Variants in COL21A1 observed in about 807,000 individuals in gnomAD.
The protein encoded by COL21A1 is collagen type XXI alpha 1 chain.
In COL21A1, 149 loss-of-function variants were observed where a neutral mutation model predicts 137.9. The ratio of observed to expected loss-of-function variants is 1.08; its 90% CI spans 0.95 to 1.24. The LOEUF is 1.24. Ranked by LOEUF, COL21A1 falls within the 50% of genes most tolerant of loss-of-function variation. COL21A1 has a pLI of 0.00. For missense variants in COL21A1, 1,167 were observed against 1,158.4 expected, an observed-to-expected ratio of 1.01 and a Z score of -0.11; for synonymous variants, 456 against 391.5, an observed-to-expected ratio of 1.16 and a Z score of -1.95.
chr6:56,177,985 T>C (rs1777624184), intron 3 of COL21A1, among the ~76,000 whole-genome samples: 2 of 152,174 alleles, frequency 1.3e-5, no homozygotes, highest in Non-Finnish European at 2.9e-5. Context: ...ATTGTGTTTA[T>C]AGATGATACA....
At chr6:56,353,208 T>C (rs1765753152) in intron 1 of COL21A1, among the ~76,000 whole-genome samples, 1 of 152,194 alleles carries the variant, frequency 6.6e-6, no homozygotes, top group South Asian at 2.1e-4. Flanking sequence ...CAGTGCTATA[T>C]AGAAAGTGAT....
chr6:56,082,233 G>C (rs1229566664), intron 17 of COL21A1, among the ~76,000 whole-genome samples: 1 of 151,856 alleles, frequency 6.6e-6, no homozygotes, highest in African/African-American at 2.4e-5. Flanking sequence ...TGGTGGGAAA[G>C]TCATGTAGCC....
rs189191410 is a variant in COL21A1, at chr6:56,120,933, T to C, written c.1758+3129A>G. Among the ~76,000 whole-genome samples, 103 of 152,272 alleles carry C rather than the reference T, an allele frequency of 6.8e-4. 1 individual carries two copies. The highest frequency in any genetic ancestry group is 1.1e-3 in the Non-Finnish European group (77 of 68,016). ...TGCACTTCTGTGTTTCTGGCAGCAC[T>C]TACAATGGCTAAGATTTGGAAGTCA... On this transcript the variant is annotated intron_variant, in intron 16 of 29. Transcript: ENST00000244728.
intron 9 of COL21A1, among the ~76,000 whole-genome samples, 191 bp from the exon 10 acceptor site, chr6:56,157,140 A>G (rs1358110464): frequency 1.3e-5 from 2 of 151,962 alleles, no homozygotes; most frequent in Non-Finnish European, 2.9e-5. Context: ...TGAACTTTCA[A>G]TGATTTATTT....
intron 9 of COL21A1, among the ~76,000 whole-genome samples, chr6:56,158,283 T>TC (rs1775937410): frequency 7.1e-6 from 1 of 140,892 alleles, no homozygotes; most frequent in Non-Finnish European, 1.5e-5. Context: ...TTTTTTTTTT[T>TC]TTTTTCTGAG....
chr6:56,284,522 G>A (rs918158366), intron 1 of COL21A1, among the ~76,000 whole-genome samples: 15 of 152,030 alleles, frequency 9.9e-5, no homozygotes, highest in Admixed American at 4.6e-4. Flanking sequence ...TACTGACTAT[G>A]GCTTTTCATC....
rs190361245 is a variant in COL21A1, at chr6:56,093,338, A to C, written c.1812+8134T>G. 8.5e-5 allele frequency among the ~76,000 whole-genome samples: 13 copies of C among 152,238 alleles called. No individual in the cohort carries two copies. The East Asian group carries it at 1.9e-3, about 23-fold the overall frequency. ...ACAGTGAATTTCAAATTCTTATCTA[A>C]ATTAATAAATCGCTCTGAAGTCCTA... On this transcript the variant is annotated intron_variant, in intron 17 of 29. Transcript: ENST00000244728.
chr6:56,117,802 A>G (rs1211018941), intron 16 of COL21A1, among the ~76,000 whole-genome samples: 1 of 152,022 alleles, frequency 6.6e-6, no homozygotes, highest in Non-Finnish European at 1.5e-5. Flanking sequence ...ATACAAACAC[A>G]TGGAAATTAA....
At chr6:56,078,266 A>G (rs1007355758) in intron 17 of COL21A1, 5 of 454,668 alleles carry the variant, frequency 1.1e-5, no homozygotes, top group African/African-American at 8.0e-5. Flanking sequence ...TGCTTGCAGA[A>G]GAGTTCTATT....
chr6:56,303,693 T>G (rs1764359745), intron 1 of COL21A1, among the ~76,000 whole-genome samples: 1 of 152,216 alleles, frequency 6.6e-6, no homozygotes, highest in African/African-American at 2.4e-5. Context: ...ACAATTTGAC[T>G]TCCTCTTTTC....
intron 16 of COL21A1, among the ~76,000 whole-genome samples, chr6:56,112,489 G>C (rs1771515173): frequency 6.6e-6 from 1 of 151,942 alleles, no homozygotes; most frequent in African/African-American, 2.4e-5. Flanking sequence ...AAACAATCCT[G>C]AATTACCGAT....
chr6:56,084,493 A>C (rs1427955835), intron 17 of COL21A1, among the ~76,000 whole-genome samples: 1 of 151,958 alleles, frequency 6.6e-6, no homozygotes, highest in Non-Finnish European at 1.5e-5. Context: ...AAGTGAAAGC[A>C]GACTCAAATT....
rs569109885 is a variant in COL21A1, at chr6:56,236,206, A to G, written c.-39+11181T>C. ...GAATATGATGTTCCACTTGGGGCATATATTAGCTGTCTTCAAATGCTGGGA... is the reference window on the plus strand; with the variant it reads ...GAATATGATGTTCCACTTGGGGCATGTATTAGCTGTCTTCAAATGCTGGGA... On this transcript the variant is annotated intron_variant, in intron 1 of 29. Transcript: ENST00000244728. 3.5e-4 allele frequency among the ~76,000 whole-genome samples: 54 copies of G among 152,154 alleles called. No homozygotes were observed. The East Asian group carries it at 8.3e-3, about 23-fold the overall frequency.
chr6:56,301,449 T>C (rs966242129), intron 1 of COL21A1, among the ~76,000 whole-genome samples: 1 of 152,184 alleles, frequency 6.6e-6, no homozygotes, highest in Non-Finnish European at 1.5e-5. Context: ...TCTTAGCCCA[T>C]ATGACCTATT....
intron 17 of COL21A1, chr6:56,078,255 T>A: frequency 4.4e-6 from 2 of 455,318 alleles, no homozygotes; most frequent in Non-Finnish European, 8.8e-6. Context: ...AGCACATTTA[T>A]TGCTTGCAGA....
chr6:56,108,914 T>C (rs80215982), intron 16 of COL21A1, among the ~76,000 whole-genome samples: 10,125 of 151,796 alleles, frequency 0.067, 394 homozygotes, highest in Admixed American at 0.11. Context: ...ATATCAGAAA[T>C]TAGCAACAAA....
Position 56,168,285 on chromosome 6 carries a change from C to T in COL21A1, c.1039G>A (p.Glu347Lys). Residue 347 changes from glutamate (E) to lysine (K), a missense_variant, in exon 6 of 30, where the codon GAA (glutamate) becomes AAA (lysine). Physicochemically the swap from Glu to Lys is moderately conservative, Grantham distance 56 (BLOSUM62 1). Coordinates refer to ENST00000244728, the MANE Select transcript of COL21A1 (RefSeq NM_030820.4). Reference sequence around the variant, plus strand: ...AAGAGACGAATTTGGTGCCAGCCTTCATCAAACAACGTCTACAAAAAGAAA... The same window carrying T: ...AAGAGACGAATTTGGTGCCAGCCTTTATCAAACAACGTCTACAAAAAGAAA... ...ANPQVKTLFD[E>K]GWHQIRLLVT... 6.5e-7 allele frequency: 1 copy of T among 1,536,712 alleles called. No homozygotes were observed. The highest frequency in any genetic ancestry group is 8.8e-7 in the Non-Finnish European group (1 of 1,135,322).
Position 56,069,033 on chromosome 6 carries a change from A to G in COL21A1, c.2091+13T>C, listed in dbSNP as rs1766503831. ...TGGTTAAAAGCGAACTGTATCTCCT[A>G]ACCAATGCATACCTTTTTTCCTTGA... On this transcript the variant is annotated intron_variant, in intron 22 of 29. Transcript: ENST00000244728. The G allele has an allele frequency of 6.3e-7, 1 of 1,587,534 alleles. No individual in the cohort carries two copies. The highest frequency in any genetic ancestry group is 8.6e-7 in the Non-Finnish European group (1 of 1,163,064).
chr6:56,195,533 A>G (rs1176072414), intron 1 of COL21A1, among the ~76,000 whole-genome samples: 4 of 152,126 alleles, frequency 2.6e-5, no homozygotes, highest in African/African-American at 9.7e-5. Context: ...GACAACTTGA[A>G]TAAATACAAT....
Sources: allele counts gnomAD v4.1 joint callset (sites outside exome capture counted in the v4.1 genomes callset), GRCh38; gene constraint gnomAD v4.1.1; transcripts MANE v1.5; gene names NCBI Gene and HGNC (gene_info 2026-07-23, HGNC 2026-07-21).